The following TENM3 variants were observed in gnomAD, a reference collection of about 807,000 sequenced individuals.
The protein encoded by TENM3 is teneurin transmembrane protein 3, also known as teneurin-3.
In TENM3, 63 loss-of-function variants were observed where a neutral mutation model predicts 255.1. The ratio of observed to expected loss-of-function variants is 0.25; its 90% CI spans 0.20 to 0.30. The LOEUF is 0.30. Among genes scored for constraint, TENM3 ranks in the 10% least tolerant of loss-of-function variants. TENM3 has a pLI of 1.00. For missense variants in TENM3, 2,929 were observed against 3,461.1 expected, an observed-to-expected ratio of 0.85 and a Z score of 3.86; for synonymous variants, 1,306 against 1,322.3, an observed-to-expected ratio of 0.99 and a Z score of 0.27.
the TENM3 span, among the ~76,000 whole-genome samples, chr4:181,779,909 C>T: frequency 1.3e-5 from 2 of 152,076 alleles, no homozygotes; most frequent in Non-Finnish European, 2.9e-5. Flanking sequence ...GTCCTTGCAA[C>T]AGTTTGCTGA....
intron 1 of TENM3, among the ~76,000 whole-genome samples, chr4:182,216,367 A>G (rs942512540): frequency 1.3e-5 from 2 of 152,240 alleles, no homozygotes; most frequent in African/African-American, 2.4e-5. Flanking sequence ...CGGCTCGTTC[A>G]GTTTCCACAT....
chr4:182,047,745 A>G, the TENM3 span, among the ~76,000 whole-genome samples: 32 of 152,040 alleles, frequency 2.1e-4, no homozygotes, highest in African/African-American at 7.7e-4. Flanking sequence ...TCAGCATCGT[A>G]TAAGTGCATC....
chr4:181,812,300 G>T, the TENM3 span, among the ~76,000 whole-genome samples: 1 of 152,286 alleles, frequency 6.6e-6, no homozygotes, highest in East Asian at 1.9e-4. Context: ...TAGAGCATTT[G>T]TTGAGAATAT....
chr4:181,667,996 A>G, the TENM3 span, among the ~76,000 whole-genome samples: 1 of 152,192 alleles, frequency 6.6e-6, no homozygotes, highest in Non-Finnish European at 1.5e-5. Flanking sequence ...AAATAGTTCT[A>G]CTGAGAAACT....
In TENM3 at chr4:182,793,803, G is replaced by C. The variant is rs1202607179; in HGVS notation, c.7131G>C (p.Lys2377Asn). ...PDIEIWKRIG[K>N]DPAPFNLYMF... is the part of the protein sequence containing the mutation. The stretch of plus-strand genomic sequence containing the variant: ...TAGAAATCTGGAAAAGAATTGGGAA[G>C]GACCCAGCTCCTTTTAACTTGTACA... The change falls in exon 26 of 28, where the codon AAG (lysine) becomes AAC (asparagine). Residue 2377 changes from lysine to asparagine, a missense_variant. Around this residue, in one of 6 missense-constraint regions of TENM3, gnomAD observed 476 missense variants for 480.1 expected, o/e 0.99. Transcript: ENST00000511685. The surrounding 1 kb of genome is among the most constrained non-coding windows in gnomAD (Gnocchi z 5.7). 3 of 1,613,932 alleles carry C rather than the reference G, an allele frequency of 1.9e-6. No homozygotes were observed. The South Asian group carries it at 3.3e-5, about 18-fold the overall frequency.
the TENM3 span, among the ~76,000 whole-genome samples, chr4:181,646,980 A>T: frequency 6.6e-6 from 1 of 152,264 alleles, no homozygotes; most frequent in Non-Finnish European, 1.5e-5. Context: ...TCATTATTTT[A>T]AAATGACGCA....
Position 182,729,202 on chromosome 4 carries a change from T to C in TENM3, c.2585+21T>C, listed in dbSNP as rs772393029. ...AAGAGGTTAATGCTTCTTTTCCATA[T>C]GTAGATTTGTAATGATGTTATCAAC... On this transcript the variant is annotated intron_variant, in intron 14 of 27. Coordinates refer to ENST00000511685, the MANE Select transcript of TENM3 (RefSeq NM_001080477.4). 1.5e-5 allele frequency: 24 copies of C among 1,578,502 alleles called. No homozygotes were observed. The South Asian group carries it at 1.9e-4, about 12-fold the overall frequency.
chr4:182,485,585 T>C (rs1328212602), intron 3 of TENM3, among the ~76,000 whole-genome samples: 2 of 152,176 alleles, frequency 1.3e-5, no homozygotes, highest in African/African-American at 4.8e-5. Context: ...AATTTTTCAA[T>C]ATTTGATACT....
the TENM3 span, among the ~76,000 whole-genome samples, chr4:181,900,852 T>C: frequency 6.6e-6 from 1 of 151,838 alleles, no homozygotes; most frequent in African/African-American, 2.4e-5. Flanking sequence ...TATTGCTAGT[T>C]TCTTTATTCT....
chr4:181,816,370 A>C, the TENM3 span, among the ~76,000 whole-genome samples: 1 of 152,212 alleles, frequency 6.6e-6, no homozygotes, highest in African/African-American at 2.4e-5. Context: ...ATTATTAAGA[A>C]CTGGAGTCAA....
At chr4:182,690,313 C>T (rs1053590827) in intron 12 of TENM3, among the ~76,000 whole-genome samples, 2 of 152,188 alleles carry the variant, frequency 1.3e-5, no homozygotes, top group Admixed American at 1.3e-4. Context: ...AGGGCAGTGG[C>T]AGCAGGTTGT....
At chr4:181,917,432 G>T in the TENM3 span, among the ~76,000 whole-genome samples, 1 of 152,008 alleles carries the variant, frequency 6.6e-6, no homozygotes, top group Non-Finnish European at 1.5e-5. Flanking sequence ...GTTCCAAGTA[G>T]GCATTCAGTG....
At chr4:182,419,025 A>G (rs191357660) in intron 3 of TENM3, among the ~76,000 whole-genome samples, 43 of 152,332 alleles carry the variant, frequency 2.8e-4, no homozygotes, top group African/African-American at 1.0e-3. Context: ...TTGGAAAATT[A>G]GTTTTCAATG....
intron 3 of TENM3, among the ~76,000 whole-genome samples, chr4:182,442,841 C>CATAT (rs796163852): frequency 0.1 from 9,642 of 92,100 alleles, 487 homozygotes; most frequent in East Asian, 0.41. Context: ...TACATACATA[C>CATAT]ATATATACAC....
intron 22 of TENM3, among the ~76,000 whole-genome samples, chr4:182,770,209 G>A (rs1269748545): frequency 2.6e-5 from 4 of 151,830 alleles, no homozygotes; most frequent in African/African-American, 7.3e-5. Context: ...TGGGAGTAAC[G>A]GGTAGTAGTT....
the TENM3 span, among the ~76,000 whole-genome samples, chr4:182,109,534 TAA>T: frequency 2.6e-5 from 4 of 152,244 alleles, no homozygotes; most frequent in African/African-American, 9.6e-5. Context: ...TTAGAACCAA[TAA>T]AGACATCAAT....
intron 3 of TENM3, among the ~76,000 whole-genome samples, chr4:182,498,728 G>C (rs556603728): frequency 6.6e-6 from 1 of 152,090 alleles, no homozygotes; most frequent in Non-Finnish European, 1.5e-5. Flanking sequence ...GGTGGCGTGT[G>C]CCTGTAATCC....
At chr4:182,449,994 A>G (rs1773314479) in intron 3 of TENM3, among the ~76,000 whole-genome samples, 1 of 152,198 alleles carries the variant, frequency 6.6e-6, no homozygotes, top group South Asian at 2.1e-4. Flanking sequence ...GTCTCTCTGG[A>G]ATATCTTATA....
intron 5 of TENM3, among the ~76,000 whole-genome samples, chr4:182,647,546 A>G (rs1243141986): frequency 1.3e-5 from 2 of 152,204 alleles, no homozygotes; most frequent in African/African-American, 4.8e-5. Flanking sequence ...ATTCTATAGC[A>G]TGTGACAATA....
Sources: allele counts gnomAD v4.1 joint callset (sites outside exome capture counted in the v4.1 genomes callset), GRCh38; gene constraint gnomAD v4.1.1; regional missense constraint gnomAD v4.1.1; non-coding constraint Gnocchi (gnomAD v3.1); transcripts MANE v1.5; gene names NCBI Gene and HGNC (gene_info 2026-07-23, HGNC 2026-07-21).